Variants in STXBP5L observed in about 807,000 individuals in gnomAD.
The protein encoded by STXBP5L is syntaxin-binding protein 5-like.
Under a neutral mutation model 144.5 loss-of-function variants are expected in STXBP5L, and 65 were observed. That is an observed-to-expected ratio of 0.45 (90% CI 0.37 to 0.55). The LOEUF is 0.55. Ranked by LOEUF, STXBP5L falls within the 20% of genes least tolerant of loss-of-function variation. The pLI, the probability that STXBP5L is intolerant of heterozygous loss-of-function variation, is 0.00. For missense variants in STXBP5L, 1,298 were observed against 1,405.5 expected (o/e 0.92, Z 1.22); for synonymous variants, 505 against 469.6 (o/e 1.08, Z -0.97).
At chr3:120,986,957 A>G (rs370453492) in intron 3 of STXBP5L, among the ~76,000 whole-genome samples, 37 of 151,978 alleles carry the variant, frequency 2.4e-4, no homozygotes, top group African/African-American at 8.9e-4. Context: ...GACACCATCA[A>G]GTGGACCAAC....
In STXBP5L at chr3:121,024,332, C is replaced by T. The variant is rs117645691; in HGVS notation, c.288-17368C>T. ...TGAAAATATGCTTTGCCTCATATGC[C>T]ATTAGGGAATTAGGATGGGTCTAGA... On this transcript the variant is annotated intron_variant, in intron 3 of 26. Transcript: ENST00000471454. Among the ~76,000 whole-genome samples, 182 of 152,150 alleles carry T rather than the reference C, an allele frequency of 1.2e-3. 1 individual carries two copies. The East Asian group carries it at 0.026, about 22-fold the overall frequency.
At chr3:121,221,845 T>C (rs987033335) in intron 10 of STXBP5L, among the ~76,000 whole-genome samples, 1 of 151,886 alleles carries the variant, frequency 6.6e-6, no homozygotes, top group Non-Finnish European at 1.5e-5. Flanking sequence ...TACACACATT[T>C]TATATGTATG....
At chr3:121,415,239 C>T (rs61004683) in intron 24 of STXBP5L, among the ~76,000 whole-genome samples, 3,328 of 152,184 alleles carry the variant, frequency 0.022, 122 homozygotes, top group African/African-American at 0.076. Flanking sequence ...AACGAGAGTA[C>T]ATCTATGTAG....
At chr3:121,121,528 C>G (rs1270989178) in intron 6 of STXBP5L, 113 bp from the exon 7 acceptor site, 4 of 712,028 alleles carry the variant, frequency 5.6e-6, no homozygotes, top group Non-Finnish European at 9.1e-6. Flanking sequence ...TGAGCTTAAC[C>G]CTAGAATGGT....
intron 3 of STXBP5L, among the ~76,000 whole-genome samples, chr3:121,037,557 C>G (rs1366775814): frequency 6.6e-6 from 1 of 151,876 alleles, no homozygotes; most frequent in African/African-American, 2.4e-5. Context: ...ATTAAATTTG[C>G]CAACATTTTT....
rs550634824 is a variant in STXBP5L, at chr3:121,224,946, C to T, written c.1111+1789C>T. Among the ~76,000 whole-genome samples, 13 of 152,042 alleles carry T rather than the reference C, an allele frequency of 8.6e-5. 1 individual carries two copies. In the South Asian group the frequency reaches 1.0e-3, roughly 12 times the overall value. On this transcript the variant is annotated intron_variant, in intron 11 of 26. Coordinates refer to ENST00000471454, the MANE Select transcript of STXBP5L (RefSeq NM_001308330.2). The stretch of plus-strand genomic sequence containing the variant: ...GTCTGTGTGTATATAAATTTCTGCA[C>T]GTTGGTAGAGATGTTAGGACAATTT...
intron 19 of STXBP5L, among the ~76,000 whole-genome samples, chr3:121,284,254 A>C (rs376593250): frequency 6.6e-6 from 1 of 151,910 alleles, no homozygotes; most frequent in Non-Finnish European, 1.5e-5. Context: ...TGGATTTTCT[A>C]CTATTCTCCT....
intron 9 of STXBP5L, among the ~76,000 whole-genome samples, chr3:121,185,888 A>G (rs1451410787): frequency 6.6e-6 from 1 of 152,236 alleles, no homozygotes; most frequent in Non-Finnish European, 1.5e-5. Flanking sequence ...TACCTTGGGC[A>G]GTATTGCCAT....
chr3:121,325,675 C>T (rs1559978014), intron 20 of STXBP5L, among the ~76,000 whole-genome samples: 1 of 151,884 alleles, frequency 6.6e-6, no homozygotes, highest in Non-Finnish European at 1.5e-5. Flanking sequence ...ATTTTTAGTT[C>T]TTACAGTTCA....
rs185538865 is a variant in STXBP5L, at chr3:121,196,048, G to A, written c.878-9875G>A. On this transcript the variant is annotated intron_variant, in intron 9 of 26. Transcript: ENST00000471454. ...TATTTGGGGTCTTTTGTGGTTTCAT[G>A]TGAATTTTAGGATTTTTTTTTTCTA... is the stretch of plus-strand genomic sequence containing the variant. Among the ~76,000 whole-genome samples the A allele has an allele frequency of 1.5e-3, 235 of 151,820 alleles. 3 individuals are homozygous for A. The highest frequency in any genetic ancestry group is 5.3e-3 in the African/African-American group (221 of 41,420).
chr3:121,194,896 C>A (rs1442915572), intron 9 of STXBP5L, among the ~76,000 whole-genome samples: 1 of 145,806 alleles, frequency 6.9e-6, no homozygotes, highest in Non-Finnish European at 1.5e-5. Context: ...TGAGATAGGT[C>A]CCTCTTTTCA....
At chr3:121,010,345 G>A (rs1203492259) in intron 3 of STXBP5L, among the ~76,000 whole-genome samples, 5 of 151,750 alleles carry the variant, frequency 3.3e-5, no homozygotes, top group Non-Finnish European at 7.4e-5. Flanking sequence ...ATAGGCTCTG[G>A]ATCTGAGAAC....
chr3:120,999,716 T>C (rs1437832447), intron 3 of STXBP5L, among the ~76,000 whole-genome samples: 1 of 152,170 alleles, frequency 6.6e-6, no homozygotes, highest in East Asian at 1.9e-4. Context: ...GTGGTAAGTC[T>C]TTCATTTTCA....
chr3:121,276,447 G>T (rs925822824), intron 18 of STXBP5L, among the ~76,000 whole-genome samples: 3 of 151,668 alleles, frequency 2.0e-5, no homozygotes, highest in Non-Finnish European at 4.4e-5. Flanking sequence ...CATTTTTGTT[G>T]CTCTTCATTA....
At chr3:120,960,908 A>AT (rs998958364) in intron 3 of STXBP5L, among the ~76,000 whole-genome samples, 12 of 152,044 alleles carry the variant, frequency 7.9e-5, no homozygotes, top group African/African-American at 1.4e-4. Context: ...TTAAAGTATA[A>AT]TAAAAAAAAA....
intron 22 of STXBP5L, among the ~76,000 whole-genome samples, chr3:121,386,450 T>C (rs906339470): frequency 1.3e-5 from 2 of 152,170 alleles, no homozygotes; most frequent in African/African-American, 4.8e-5. Flanking sequence ...ATGTGCACCA[T>C]GTGCAGGTTT....
intron 3 of STXBP5L, among the ~76,000 whole-genome samples, chr3:121,028,473 G>A (rs1297846451): frequency 6.6e-6 from 1 of 152,040 alleles, no homozygotes; most frequent in Non-Finnish European, 1.5e-5. Flanking sequence ...GAGTCTTGTA[G>A]TGATTATATG....
chr3:121,176,064 G>C (rs761199416), intron 9 of STXBP5L, among the ~76,000 whole-genome samples: 5 of 151,928 alleles, frequency 3.3e-5, no homozygotes, highest in Non-Finnish European at 7.4e-5. Flanking sequence ...AAATACATGA[G>C]ACAAAAATTT....
At chr3:121,173,760 T>C (rs954655647) in intron 9 of STXBP5L, among the ~76,000 whole-genome samples, 5 of 152,152 alleles carry the variant, frequency 3.3e-5, no homozygotes, top group African/African-American at 1.2e-4. Flanking sequence ...CTTTACAAGA[T>C]GAATCGTGTC....
Sources: allele counts gnomAD v4.1 joint callset (sites outside exome capture counted in the v4.1 genomes callset), GRCh38; gene constraint gnomAD v4.1.1; transcripts MANE v1.5; gene names NCBI Gene and HGNC (gene_info 2026-07-23, HGNC 2026-07-21).